Variants in GALNT13 observed in about 807,000 individuals in gnomAD.
The protein encoded by GALNT13 is UDP-GalNAc:polypeptide N-acetylgalactosaminyltransferase 13.
In GALNT13, 28 loss-of-function variants were observed where a neutral mutation model predicts 64.2. That is an observed-to-expected ratio of 0.44 (90% confidence interval 0.32 to 0.60). The LOEUF (loss-of-function observed/expected upper bound fraction) is 0.60, where lower values mean the gene tolerates loss of function less well. Among genes scored for constraint, GALNT13 ranks in the 20% least tolerant of loss-of-function variants. The probability of loss-of-function intolerance (pLI) is 0.05; values close to 1 mark genes in which losing one functional copy is unlikely to be tolerated. For synonymous variants in GALNT13, 214 were observed against 224.6 expected, an observed-to-expected ratio of 0.95 and a Z score of 0.42; for missense variants, 577 against 669.8, an observed-to-expected ratio of 0.86 and a Z score of 1.53.
chr2:154,006,866 TG>T (rs1373589944), intron 3 of GALNT13, among the ~76,000 whole-genome samples: 1 of 152,190 alleles, frequency 6.6e-6, no homozygotes, highest in Non-Finnish European at 1.5e-5. Context: ...GAGATTGTAA[TG>T]GGAAGACTTG....
intron 4 of GALNT13, among the ~76,000 whole-genome samples, chr2:154,158,508 T>C (rs1226241039): frequency 6.6e-6 from 1 of 152,222 alleles, no homozygotes; most frequent in African/African-American, 2.4e-5. Flanking sequence ...GTTGTTGTTA[T>C]GTTTAATTTT....
intron 3 of GALNT13, among the ~76,000 whole-genome samples, chr2:153,959,418 G>A (rs57366058): frequency 0.061 from 9,322 of 152,212 alleles, 596 homozygotes; most frequent in African/African-American, 0.16. Context: ...TTAACAGAAC[G>A]TTTAAAGCAA....
chr2:153,551,751 T>G, the GALNT13 span, among the ~76,000 whole-genome samples: 1 of 152,228 alleles, frequency 6.6e-6, no homozygotes, highest in African/African-American at 2.4e-5. Flanking sequence ...AGTTGTGATG[T>G]CCATTCTATG....
At chr2:153,994,544 G>C (rs767390199) in intron 3 of GALNT13, among the ~76,000 whole-genome samples, 1 of 152,210 alleles carries the variant, frequency 6.6e-6, no homozygotes, top group Non-Finnish European at 1.5e-5. Flanking sequence ...AAGTGTAAAA[G>C]TGTTCCTATT....
the GALNT13 span, among the ~76,000 whole-genome samples, chr2:153,120,984 G>A: frequency 1.3e-5 from 2 of 152,232 alleles, no homozygotes. Flanking sequence ...GCATTTCAGT[G>A]TGATCCTATA....
chr2:153,161,307 C>T, the GALNT13 span, among the ~76,000 whole-genome samples: 7 of 152,016 alleles, frequency 4.6e-5, no homozygotes, highest in South Asian at 4.1e-4. Context: ...TTGGCTTTAC[C>T]GAGTATTAAC....
At chr2:153,201,369 A>G in the GALNT13 span, among the ~76,000 whole-genome samples, 1 of 152,250 alleles carries the variant, frequency 6.6e-6, no homozygotes, top group Non-Finnish European at 1.5e-5. Context: ...GAGGGCCTAC[A>G]GAAAACGGAA....
At chr2:154,181,922 A>G (rs1172856430) in intron 4 of GALNT13, among the ~76,000 whole-genome samples, 1 of 151,790 alleles carries the variant, frequency 6.6e-6, no homozygotes, top group Admixed American at 6.6e-5. Context: ...TTTTATGTTT[A>G]TATGTTATTG....
chr2:153,284,767 T>C, the GALNT13 span, among the ~76,000 whole-genome samples: 1 of 152,116 alleles, frequency 6.6e-6, no homozygotes, highest in Non-Finnish European at 1.5e-5. Context: ...TGTGGTGTCC[T>C]TCGTGAGTCC....
At chr2:153,409,867 G>A in the GALNT13 span, among the ~76,000 whole-genome samples, 5 of 152,120 alleles carry the variant, frequency 3.3e-5, no homozygotes, top group Non-Finnish European at 7.4e-5. Flanking sequence ...CACACATTCA[G>A]ATGTGAAGGT....
chr2:154,345,949 ATC>A (rs1411140270), intron 9 of GALNT13, among the ~76,000 whole-genome samples: 1 of 152,040 alleles, frequency 6.6e-6, no homozygotes, highest in Non-Finnish European at 1.5e-5. Flanking sequence ...ATTATACTAA[ATC>A]TCTATTCAAA....
intron 2 of GALNT13, among the ~76,000 whole-genome samples, chr2:153,917,587 CAAT>C (rs1202140797): frequency 3.9e-5 from 6 of 152,076 alleles, no homozygotes; most frequent in African/African-American, 1.2e-4. Context: ...TAAACTATAA[CAAT>C]GATGTTATAA....
At chr2:154,282,908 A>T (rs1309156975) in intron 8 of GALNT13, among the ~76,000 whole-genome samples, 1 of 152,170 alleles carries the variant, frequency 6.6e-6, no homozygotes, top group Non-Finnish European at 1.5e-5. Context: ...TGTGAAGTTA[A>T]AAATAGGTCA....
chr2:153,933,828 T>A (rs1377424976), intron 2 of GALNT13, among the ~76,000 whole-genome samples: 3 of 152,178 alleles, frequency 2.0e-5, no homozygotes, highest in Admixed American at 6.5e-5. Flanking sequence ...CTGAAAAGGA[T>A]TTTATTTCTC....
At chr2:154,166,646 TA>T (rs1343997699) in intron 4 of GALNT13, among the ~76,000 whole-genome samples, 1 of 152,210 alleles carries the variant, frequency 6.6e-6, no homozygotes, top group Non-Finnish European at 1.5e-5. Context: ...CAAAGGATTA[TA>T]AATCATGCTG....
the GALNT13 span, among the ~76,000 whole-genome samples, chr2:153,334,339 A>G: frequency 6.6e-6 from 1 of 152,194 alleles, no homozygotes; most frequent in Admixed American, 6.5e-5. Context: ...ATGAGAATCT[A>G]TCAGTCTAGG....
chr2:154,340,984 A>G (rs1004184767), intron 9 of GALNT13, among the ~76,000 whole-genome samples: 3 of 152,080 alleles, frequency 2.0e-5, no homozygotes, highest in African/African-American at 7.2e-5. Flanking sequence ...ACATTTATGC[A>G]TATATTCATA....
At chr2:153,201,346 C>T in the GALNT13 span, among the ~76,000 whole-genome samples, 4 of 152,120 alleles carry the variant, frequency 2.6e-5, no homozygotes, top group Non-Finnish European at 4.4e-5. Flanking sequence ...ATTCTGACAA[C>T]GTGTCCAAAA....
At chr2:153,868,780 T>C (rs1461055606), upstream of GALNT13, among the ~76,000 whole-genome samples, 1 of 152,224 alleles carries the variant, frequency 6.6e-6, no homozygotes, top group Non-Finnish European at 1.5e-5. Context: ...GTATTGGCCT[T>C]ATAGCCAAGA....
Sources: gnomAD v4.1 joint callset for allele counts (sites outside exome capture counted in the v4.1 genomes callset) on GRCh38, gnomAD v4.1.1 for gene constraint, MANE v1.5 for transcripts, NCBI Gene and HGNC (gene_info 2026-07-23, HGNC 2026-07-21) for gene names.